The following SORCS2 variants were observed in gnomAD, a reference collection of about 807,000 sequenced individuals.
The protein encoded by SORCS2 is sortilin related VPS10 domain containing receptor 2.
A neutral mutation model predicts 141.6 loss-of-function variants in SORCS2; 100 were observed. That is an observed-to-expected ratio of 0.71 (90% CI 0.60 to 0.83). The LOEUF (loss-of-function observed/expected upper bound fraction) is 0.83, where lower values mean the gene tolerates loss of function less well. Ranked by LOEUF, SORCS2 falls within the 40% of genes least tolerant of loss-of-function variation. SORCS2 has a pLI of 0.00. For synonymous variants in SORCS2, 789 were observed against 676.9 expected (o/e 1.17, Z -2.57); for missense variants, 1,646 against 1,560.2 (o/e 1.05, Z -0.93).
intron 3 of SORCS2, among the ~76,000 whole-genome samples, chr4:7,563,081 C>CA (rs1472840945): frequency 6.6e-6 from 1 of 152,120 alleles, no homozygotes; most frequent in East Asian, 1.9e-4. Context: ...CTGGTCATAC[C>CA]AAAATCCGTT....
In SORCS2 at chr4:7,235,436, G is replaced by C. The variant is rs143803735; in HGVS notation, c.480+42310G>C. Among the ~76,000 whole-genome samples, 346 of 152,346 alleles carry C rather than the reference G, an allele frequency of 2.3e-3. 1 individual carries two copies. The highest frequency in any genetic ancestry group is 7.8e-3 in the African/African-American group (325 of 41,578). On this transcript the variant is annotated intron_variant, in intron 1 of 26. Transcript: ENST00000507866. ...AGAGAGGCATGGCCACTGGCCTGAG[G>C]TCACACAGAGGGTCCAATCCTGGTC... is the stretch of plus-strand genomic sequence containing the variant.
chr4:7,575,061 G>A (rs1003463979), intron 3 of SORCS2, among the ~76,000 whole-genome samples: 7 of 152,084 alleles, frequency 4.6e-5, no homozygotes, highest in African/African-American at 1.4e-4. Flanking sequence ...GGTGAAGATC[G>A]GGGGACTGGC....
chr4:7,330,362 T>A (rs1307186168), intron 1 of SORCS2, among the ~76,000 whole-genome samples: 1 of 152,016 alleles, frequency 6.6e-6, no homozygotes, highest in Admixed American at 6.5e-5. Flanking sequence ...ACAAAGAGCT[T>A]CTCGGCAAAT....
intron 26 of SORCS2, among the ~76,000 whole-genome samples, chr4:7,738,158 C>T (rs1173069413): frequency 1.3e-5 from 2 of 152,262 alleles, no homozygotes. Context: ...TCCAGCGCAA[C>T]AGGCACTATA....
At chr4:7,472,356 G>A (rs1730027339) in intron 2 of SORCS2, among the ~76,000 whole-genome samples, 1 of 152,196 alleles carries the variant, frequency 6.6e-6, no homozygotes, top group African/African-American at 2.4e-5. Flanking sequence ...GAGTGGGAAA[G>A]GGCAGAGGAG....
chr4:7,683,007 C>T (rs1472226635), intron 10 of SORCS2, 118 bp downstream of exon 10: 2 of 1,276,210 alleles, frequency 1.6e-6, no homozygotes, highest in African/African-American at 3.0e-5. Context: ...ACACATGAAC[C>T]ACCTATTTCT....
intron 3 of SORCS2, among the ~76,000 whole-genome samples, chr4:7,573,604 G>A (rs1487690618): frequency 6.6e-6 from 1 of 152,168 alleles, no homozygotes; most frequent in Non-Finnish European, 1.5e-5. Flanking sequence ...TGCAACCTCT[G>A]CCTCCCAGGC....
chr4:7,231,852 A>G (rs984798308), intron 1 of SORCS2, among the ~76,000 whole-genome samples: 1 of 152,158 alleles, frequency 6.6e-6, no homozygotes, highest in Non-Finnish European at 1.5e-5. Context: ...GGACAAGGAT[A>G]TAAGTGTGGC....
intron 3 of SORCS2, among the ~76,000 whole-genome samples, chr4:7,625,657 C>A (rs1719470575): frequency 6.8e-6 from 1 of 147,570 alleles, no homozygotes; most frequent in Non-Finnish European, 1.5e-5. Flanking sequence ...TCTTCATTAA[C>A]CCTTACAGTC....
intron 2 of SORCS2, among the ~76,000 whole-genome samples, chr4:7,479,467 A>G (rs1730496849): frequency 6.6e-6 from 1 of 152,208 alleles, no homozygotes; most frequent in Non-Finnish European, 1.5e-5. Flanking sequence ...GAAGACAATC[A>G]AGGGCCAAAC....
At chr4:7,479,710 A>C (rs1411153805) in intron 2 of SORCS2, among the ~76,000 whole-genome samples, 1 of 152,146 alleles carries the variant, frequency 6.6e-6, no homozygotes, top group Non-Finnish European at 1.5e-5. Context: ...AGGTCTTGGG[A>C]CAGGCCCCAG....
At chr4:7,215,697 G>A (rs934107935) in intron 1 of SORCS2, among the ~76,000 whole-genome samples, 4 of 152,228 alleles carry the variant, frequency 2.6e-5, no homozygotes, top group African/African-American at 7.2e-5. Context: ...ACACCAATCA[G>A]CACCCTGTGT....
At chr4:7,214,786 T>C (rs1728228633) in intron 1 of SORCS2, among the ~76,000 whole-genome samples, 1 of 152,322 alleles carries the variant, frequency 6.6e-6, no homozygotes, top group South Asian at 2.1e-4. Context: ...AAGAAGGTGA[T>C]GAAGCTGCCA....
intron 10 of SORCS2, 134 bp downstream of exon 10, chr4:7,683,023 G>A: frequency 8.6e-7 from 1 of 1,168,744 alleles, no homozygotes; most frequent in Non-Finnish European, 1.2e-6. Flanking sequence ...TTTCTGCTGG[G>A]TGTGGTAGAG....
At chr4:7,620,279 G>A (rs999002887) in intron 3 of SORCS2, among the ~76,000 whole-genome samples, 1 of 152,300 alleles carries the variant, frequency 6.6e-6, no homozygotes, top group African/African-American at 2.4e-5. Context: ...GGCTTTGTTG[G>A]GAACAAGGCA....
intron 1 of SORCS2, among the ~76,000 whole-genome samples, chr4:7,307,865 TGAG>T (rs1373857480): frequency 6.6e-6 from 1 of 150,848 alleles, no homozygotes; most frequent in African/African-American, 2.5e-5. Context: ...GGTGTGTGTA[TGAG>T]TGAGTGTATG....
At chr4:7,462,188 G>C (rs62277625) in intron 2 of SORCS2, among the ~76,000 whole-genome samples, 28,638 of 152,210 alleles carry the variant, frequency 0.19, 2,829 homozygotes, top group African/African-American at 0.24. Context: ...TTAAGGCTGT[G>C]CTGGGCGCCA....
chr4:7,634,265 T>C (rs1315917301), intron 3 of SORCS2, among the ~76,000 whole-genome samples: 1 of 151,808 alleles, frequency 6.6e-6, no homozygotes, highest in Non-Finnish European at 1.5e-5. Flanking sequence ...TCCCAGCTAC[T>C]GAGGAGGCTG....
chr4:7,670,750 G>A (rs542331989), intron 8 of SORCS2, among the ~76,000 whole-genome samples: 22 of 149,148 alleles, frequency 1.5e-4, no homozygotes, highest in Admixed American at 5.3e-4. Context: ...CCCCCACCCC[G>A]GCCCCATGGC....
Sources: allele counts gnomAD v4.1 joint callset (sites outside exome capture counted in the v4.1 genomes callset), GRCh38; gene constraint gnomAD v4.1.1; transcripts MANE v1.5; gene names NCBI Gene and HGNC (gene_info 2026-07-23, HGNC 2026-07-21).